The following DGKE variants were observed in gnomAD, a reference collection of about 807,000 sequenced individuals.
DGKE encodes the protein diacylglycerol kinase epsilon.
DGKE carries 53 observed loss-of-function variants against 70.0 expected under a neutral mutation model. The ratio of observed to expected loss-of-function variants is 0.76; its 90% CI spans 0.61 to 0.95. The LOEUF (loss-of-function observed/expected upper bound fraction) is 0.95, where lower values mean the gene tolerates loss of function less well. Ranked by LOEUF, DGKE falls within the 40% of genes least tolerant of loss-of-function variation. The pLI is 0.00. For synonymous variants in DGKE, 291 were observed against 257.0 expected (o/e 1.13, Z -1.27); for missense variants, 655 against 706.9 (o/e 0.93, Z 0.83).
Position 56,858,597 on chromosome 17 carries a change from G to A in DGKE, c.1216G>A (p.Val406Ile). The A allele has an allele frequency of 6.2e-7, 1 of 1,600,314 alleles. No individual in the cohort carries two copies. Among genetic ancestry groups the A allele is most frequent in the Non-Finnish European group, 8.5e-7 (1 of 1,175,124 alleles). Residue 406 changes from valine (V) to isoleucine (I), a missense_variant, in exon 9 of 12, where the codon GTT becomes ATT. Coordinates refer to ENST00000284061, the MANE Select transcript of DGKE (RefSeq NM_003647.3). ...ATTTTCTGTCCATTTTTCATAGGCG[G>A]TTTACTTATTCTATGGAACCAAAGA... is the stretch of plus-strand genomic sequence containing the variant. ...LFSSRILNKA[V>I]YLFYGTKDCL...
rs570175680 is a variant in DGKE, at chr17:56,861,345, A to G, written c.1285-446A>G. On this transcript the variant is annotated intron_variant, in intron 9 of 11. Transcript: ENST00000284061. Reference sequence around the variant, plus strand: ...AAATTGCAGAAAAGTTGCTTGATCAATTTTTTACATAAGAGTTTTTGGTGC... The same window carrying G: ...AAATTGCAGAAAAGTTGCTTGATCAGTTTTTTACATAAGAGTTTTTGGTGC... Among the ~76,000 whole-genome samples the G allele has an allele frequency of 3.9e-5, 6 of 152,300 alleles. No homozygotes were observed. In the South Asian group the frequency reaches 1.0e-3, roughly 26 times the overall value.
At chr17:56,843,149 A>C (rs545370637) in intron 2 of DGKE, among the ~76,000 whole-genome samples, 2 of 152,280 alleles carry the variant, frequency 1.3e-5, no homozygotes, top group African/African-American at 4.8e-5. Flanking sequence ...AATATATATA[A>C]AACTATCATT....
chr17:56,848,157 G>T lies in DGKE; in HGVS notation c.888+92G>T, dbSNP rs1598030943. ...ATATGGGTTTTGTTGTTGTTTTGTT[G>T]TTGTTGTTGTTTTTTCTTGAGATAC... On this transcript the variant is annotated intron_variant, in intron 5 of 11. Coordinates refer to ENST00000284061, the MANE Select transcript of DGKE (RefSeq NM_003647.3). The T allele has an allele frequency of 1.5e-5, 13 of 862,364 alleles. 1 individual carries two copies. Among genetic ancestry groups the T allele is most frequent in the Non-Finnish European group, 1.9e-5 (13 of 674,170 alleles). 53.4% of individuals were successfully genotyped at this position (862,364 alleles called of 1,614,324 possible).
intron 7 of DGKE, among the ~76,000 whole-genome samples, chr17:56,853,950 C>T (rs1333293737): frequency 6.8e-6 from 1 of 147,264 alleles, no homozygotes; most frequent in Non-Finnish European, 1.5e-5. Context: ...TTAAGTATGC[C>T]ATATATACAC....
chr17:56,835,748 T>G, intron 2 of DGKE: 22 of 162,890 alleles, frequency 1.4e-4, no homozygotes, highest in Non-Finnish European at 1.8e-4. Flanking sequence ...GTTGGTACCA[T>G]AGCGAAATAT....
chr17:56,845,696 T>C lies in DGKE; in HGVS notation c.631T>C (p.Ser211Pro), dbSNP rs1306910008. ...DKKTDYEVLA[S>P]KLGKQWTPLI... ...TCATGGCAATTTTTTTTAGCTAGCC[T>C]CTAAGCTTGGAAAGCAGTGGACCCC... Residue 211 changes from serine to proline, a missense_variant, in exon 4 of 12, where the codon TCT (serine) becomes CCT (proline). Physicochemically the swap from Ser to Pro is moderately conservative, Grantham distance 74 (BLOSUM62 -1). Transcript: ENST00000284061. 6.2e-7 allele frequency: 1 copy of C among 1,608,556 alleles called. No homozygotes were observed. The highest frequency in any genetic ancestry group is 2.2e-5 in the East Asian group (1 of 44,628).
At chr17:56,839,972 C>T (rs1598018478) in intron 2 of DGKE, among the ~76,000 whole-genome samples, 1 of 152,208 alleles carries the variant, frequency 6.6e-6, no homozygotes, top group African/African-American at 2.4e-5. Flanking sequence ...CGAGACCAGC[C>T]TGACCAATAT....
chr17:56,850,468 A>T (rs4794670), intron 7 of DGKE, among the ~76,000 whole-genome samples: 24,675 of 152,180 alleles, frequency 0.16, 2,313 homozygotes, highest in Middle Eastern at 0.23. Context: ...TATTTAGGTG[A>T]CACAGATTAA....
At chr17:56,849,141 A>G in intron 6 of DGKE, 40 bp from the exon 7 acceptor site, 1 of 1,570,596 alleles carries the variant, frequency 6.4e-7, no homozygotes. Flanking sequence ...TATGGGGTTT[A>G]TTGTAAAACG....
chr17:56,869,047 C>T lies in DGKE; in HGVS notation c.*6256C>T, dbSNP rs1356355187. 1.3e-5 allele frequency: 2 copies of T among 152,010 alleles called. No individual in the cohort carries two copies. The highest frequency in any genetic ancestry group is 2.9e-5 in the Non-Finnish European group (2 of 67,990). The allele number at this position is 152,010 out of a possible 1,614,324, so 9.4% of individuals were successfully genotyped here. On this transcript the variant is annotated 3_prime_UTR_variant, in exon 12 of 12. Coordinates refer to ENST00000284061, the MANE Select transcript of DGKE (RefSeq NM_003647.3). ...CAGCCTCTACTACTGTAACTTAACACTTGTTCTTCCTGAGCCTCAAATTTT... is the reference window on the plus strand; with the variant it reads ...CAGCCTCTACTACTGTAACTTAACATTTGTTCTTCCTGAGCCTCAAATTTT...
In DGKE at chr17:56,861,833, G is replaced by C. The variant is rs746081603; in HGVS notation, c.1327G>C (p.Gly443Arg). ...GCGAGTAGCACTGCCCAGCTTGGAAGGTATTATAGTTCTGAACATCGGATA... is the reference window on the plus strand; with the variant it reads ...GCGAGTAGCACTGCCCAGCTTGGAACGTATTATAGTTCTGAACATCGGATA... ...GERVALPSLE[G>R]IIVLNIGYWG... Residue 443 changes from glycine to arginine, a missense_variant, in exon 10 of 12, where the codon GGT becomes CGT. Gly to Arg is a moderately radical substitution (Grantham distance 125). Transcript: ENST00000284061. The C allele has an allele frequency of 6.2e-7, 1 of 1,613,608 alleles. No individual in the cohort carries two copies. The highest frequency in any genetic ancestry group is 1.1e-5 in the South Asian group (1 of 91,016).
In DGKE at chr17:56,867,149, T is replaced by A. The variant is rs1440504670; in HGVS notation, c.*4358T>A. ...CCCTGTGTAGTCAGTGCATGAGGCT[T>A]GCATAGCCCAGAAAGGTACATTCCA... On this transcript the variant is annotated 3_prime_UTR_variant, in exon 12 of 12. Coordinates refer to ENST00000284061, the MANE Select transcript of DGKE (RefSeq NM_003647.3). 1.3e-5 allele frequency: 2 copies of A among 152,216 alleles called. No homozygotes were observed. Among genetic ancestry groups the A allele is most frequent in the Non-Finnish European group, 2.9e-5 (2 of 68,046 alleles). The allele number at this position is 152,216 out of a possible 1,614,324, so 9.4% of individuals were successfully genotyped here. A position where few individuals can be genotyped will look rare whatever the true frequency, so the allele number is the denominator to read the frequency against.
intron 8 of DGKE, among the ~76,000 whole-genome samples, chr17:56,857,930 G>A (rs961990798): frequency 5.3e-5 from 8 of 151,860 alleles, no homozygotes; most frequent in Non-Finnish European, 8.8e-5. Flanking sequence ...AAAATTAGCC[G>A]GATGTGGTGG....
chr17:56,849,970 A>G (rs1003571992), intron 7 of DGKE, among the ~76,000 whole-genome samples: 1 of 152,124 alleles, frequency 6.6e-6, no homozygotes, highest in Admixed American at 6.6e-5. Context: ...GGGAGGGGGC[A>G]GGGGGAGTAG....
chr17:56,857,494 T>A (rs1908018815), intron 8 of DGKE, among the ~76,000 whole-genome samples: 1 of 152,214 alleles, frequency 6.6e-6, no homozygotes, highest in Non-Finnish European at 1.5e-5. Flanking sequence ...AGCAATTATA[T>A]TCCTGGTTCT....
At chr17:56,843,283 TGAG>T (rs1459801603) in intron 2 of DGKE, among the ~76,000 whole-genome samples, 1 of 152,200 alleles carries the variant, frequency 6.6e-6, no homozygotes, top group Non-Finnish European at 1.5e-5. Flanking sequence ...GAAAATTTAG[TGAG>T]GAGAGTTACA....
chr17:56,840,179 A>G (rs1238723808), intron 2 of DGKE, among the ~76,000 whole-genome samples: 6 of 152,182 alleles, frequency 3.9e-5, no homozygotes, highest in Admixed American at 2.6e-4. Context: ...AATAATAGTA[A>G]TAATAATAAT....
intron 2 of DGKE, among the ~76,000 whole-genome samples, chr17:56,842,149 C>T (rs942847365): frequency 7.2e-5 from 11 of 152,026 alleles, no homozygotes; most frequent in African/African-American, 2.7e-4. Context: ...GAAAAACAAA[C>T]GTATACACTA....
chr17:56,853,813 T>C (rs1907786461), intron 7 of DGKE, among the ~76,000 whole-genome samples: 1 of 152,184 alleles, frequency 6.6e-6, no homozygotes, highest in Middle Eastern at 3.2e-3. Flanking sequence ...TTTATAGATA[T>C]ATACCCAAAG....
Sources: allele counts gnomAD v4.1 joint callset (sites outside exome capture counted in the v4.1 genomes callset), GRCh38; gene constraint gnomAD v4.1.1; transcripts MANE v1.5; gene names NCBI Gene and HGNC (gene_info 2026-07-23, HGNC 2026-07-21).